Variants in HEPHL1 observed in about 807,000 individuals in gnomAD.
HEPHL1 encodes hephaestin like 1.
A neutral mutation model predicts 122.0 loss-of-function variants in HEPHL1; 123 were observed. The ratio of observed to expected loss-of-function variants is 1.01; its 90% CI spans 0.87 to 1.17. The LOEUF (loss-of-function observed/expected upper bound fraction) is 1.17, where lower values mean the gene tolerates loss of function less well. Ranked by LOEUF, HEPHL1 falls within the 50% of genes most tolerant of loss-of-function variation. HEPHL1 has a pLI of 0.00. For missense variants in HEPHL1, 1,452 were observed against 1,430.5 expected, an observed-to-expected ratio of 1.01 and a Z score of -0.24; for synonymous variants, 527 against 508.9, an observed-to-expected ratio of 1.04 and a Z score of -0.48.
At position 94,064,623 on chromosome 11, in the gene HEPHL1, C is replaced by T. The variant is rs1362949059; in HGVS notation, c.808+113C>T. The T allele has an allele frequency of 5.7e-6, 4 of 698,950 alleles. No homozygotes were observed. The Admixed American group carries it at 1.2e-4, about 20-fold the overall frequency. 43.3% of individuals were successfully genotyped at this position (698,950 alleles called of 1,614,324 possible). A position where few individuals can be genotyped will look rare whatever the true frequency, so the allele number is the denominator to read the frequency against. On this transcript the variant is annotated intron_variant, in intron 4 of 19. Coordinates refer to ENST00000315765, the MANE Select transcript of HEPHL1 (RefSeq NM_001098672.2). ...TCTGAGTTTGGCATGATTTATAACT[C>T]AGGGATGACCATGGTTAGAAAGTGA...
At chr11:94,073,282 C>T (rs1946092800) in intron 7 of HEPHL1, 26 bp from the exon 8 acceptor site, 2 of 1,608,682 alleles carry the variant, frequency 1.2e-6, no homozygotes, top group East Asian at 2.2e-5. Flanking sequence ...ATTCTCTTCT[C>T]TCTCTTCTTC....
intron 17 of HEPHL1, among the ~76,000 whole-genome samples, chr11:94,110,139 A>G (rs1946437045): frequency 6.6e-6 from 1 of 152,092 alleles, no homozygotes; most frequent in African/African-American, 2.4e-5. Context: ...TTCCTTTTTA[A>G]TATTTGTAAG....
chr11:94,073,137 G>A lies in HEPHL1; in HGVS notation c.1345G>A (p.Ala449Thr), dbSNP rs1946091076. ...TTTTACTAAAAGAAAGAGACTCTCT[G>A]CTGAAGAAGCCCATCTTGGAATTCT... ...ATFTKRKRLS[A>T]EEAHLGILGP... The change falls in exon 7 of 20, where the codon GCT (alanine) becomes ACT (threonine). Residue 449 changes from alanine (A) to threonine (T), a missense_variant. Ala to Thr is a moderately conservative substitution (Grantham distance 58, BLOSUM62 0). Transcript: ENST00000315765. The A allele has an allele frequency of 6.2e-7, 1 of 1,613,032 alleles. No individual in the cohort carries two copies. Among genetic ancestry groups the A allele is most frequent in the African/African-American group, 1.3e-5 (1 of 74,864 alleles).
At chr11:94,096,565 A>G (rs563151451) in intron 13 of HEPHL1, among the ~76,000 whole-genome samples, 23 of 152,174 alleles carry the variant, frequency 1.5e-4, no homozygotes, top group Non-Finnish European at 2.5e-4. Flanking sequence ...CTCTTTTTCT[A>G]TTGATTGGAA....
chr11:94,025,842 C>G (rs192469790), intron 1 of HEPHL1, among the ~76,000 whole-genome samples: 122 of 152,286 alleles, frequency 8.0e-4, no homozygotes, highest in African/African-American at 2.9e-3. Flanking sequence ...TGGTAACTTT[C>G]AAATCTCAAC....
At chr11:94,094,293 C>T (rs1946291558) in intron 13 of HEPHL1, among the ~76,000 whole-genome samples, 1 of 151,920 alleles carries the variant, frequency 6.6e-6, no homozygotes, top group African/African-American at 2.4e-5. Context: ...ATGATGGTTT[C>T]CAGCTTCATC....
chr11:94,036,993 C>T lies in HEPHL1; in HGVS notation c.171-8680C>T, dbSNP rs575531214. ...TCACTAGGGAGTGCCAGACAGTGGGCGCAGGCCAGTGGGTGCGCGCACCGT... is the reference window on the plus strand; with the variant it reads ...TCACTAGGGAGTGCCAGACAGTGGGTGCAGGCCAGTGGGTGCGCGCACCGT... On this transcript the variant is annotated intron_variant, in intron 1 of 19. Coordinates refer to ENST00000315765, the MANE Select transcript of HEPHL1 (RefSeq NM_001098672.2). 4.3e-4 allele frequency among the ~76,000 whole-genome samples: 66 copies of T among 152,286 alleles called. 1 individual carries two copies. In the South Asian group the frequency reaches 0.013, roughly 30 times the overall value.
Position 94,110,893 on chromosome 11 carries a change from G to GTT in HEPHL1, c.3046-6_3046-5dup, listed in dbSNP as rs773839808. 2 of 1,605,338 alleles carry GTT rather than the reference G, an allele frequency of 1.2e-6. No homozygotes were observed. Among genetic ancestry groups the GTT allele is most frequent in the East Asian group, 2.2e-5 (1 of 44,704 alleles). On this transcript the variant is annotated splice_polypyrimidine_tract_variant and intron_variant, in intron 17 of 19. Transcript: ENST00000315765. ...GCTACTAGCTGTTGTTTTTTAAAAC[G>GTT]TTTTTGCAGATAGATAAATCTTACC...
intron 10 of HEPHL1, among the ~76,000 whole-genome samples, chr11:94,085,111 C>T (rs897808135): frequency 6.6e-6 from 1 of 152,116 alleles, no homozygotes; most frequent in African/African-American, 2.4e-5. Context: ...CTCCAAGAAA[C>T]ATCAAGCATG....
chr11:94,096,464 T>C (rs1946314884), intron 13 of HEPHL1, among the ~76,000 whole-genome samples: 1 of 152,214 alleles, frequency 6.6e-6, no homozygotes, highest in African/African-American at 2.4e-5. Context: ...TCATTAGGGA[T>C]ATTGGTCTAA....
At chr11:94,044,085 T>C (rs992762347) in intron 1 of HEPHL1, among the ~76,000 whole-genome samples, 1 of 151,538 alleles carries the variant, frequency 6.6e-6, no homozygotes, top group Non-Finnish European at 1.5e-5. Flanking sequence ...GAAGCCAGTA[T>C]TTATGGAGCT....
chr11:94,067,724 C>T lies in HEPHL1; in HGVS notation c.1037C>T (p.Thr346Ile), dbSNP rs747609253. ...IAENPGKWMITCQVSDHLQAG... is the reference protein window; with the variant it reads ...IAENPGKWMIICQVSDHLQAG... ...GAGAATCCTGGGAAGTGGATGATAA[C>T]CTGCCAGGTCAGCGACCACCTACAA... is the stretch of plus-strand genomic sequence containing the variant. The change falls in exon 5 of 20, where the codon ACC (threonine) becomes ATC (isoleucine). Residue 346 changes from threonine (T) to isoleucine (I), a missense_variant. Coordinates refer to ENST00000315765, the MANE Select transcript of HEPHL1 (RefSeq NM_001098672.2). 4.3e-6 allele frequency: 7 copies of T among 1,613,526 alleles called. No individual in the cohort carries two copies. The highest frequency in any genetic ancestry group is 1.3e-5 in the African/African-American group (1 of 74,976).
intron 18 of HEPHL1, 94 bp downstream of exon 18, chr11:94,111,159 C>T (rs1946445790): frequency 1.0e-6 from 1 of 976,760 alleles, no homozygotes; most frequent in Non-Finnish European, 1.5e-6. Flanking sequence ...ATATAGCCCT[C>T]AACAAGCTCA....
intron 1 of HEPHL1, among the ~76,000 whole-genome samples, chr11:94,034,402 T>C (rs1417222922): frequency 6.6e-6 from 1 of 152,200 alleles, no homozygotes; most frequent in Non-Finnish European, 1.5e-5. Flanking sequence ...TAGGAGCTGC[T>C]TTGAAGTAGG....
At chr11:94,072,991 A>G (rs2134433626) in intron 6 of HEPHL1, 34 bp from the exon 7 acceptor site, 1 of 1,595,722 alleles carries the variant, frequency 6.3e-7, no homozygotes, top group Non-Finnish European at 8.6e-7. Context: ...ATATGTTGAG[A>G]AGTGTCCTCA....
intron 1 of HEPHL1, among the ~76,000 whole-genome samples, chr11:94,039,462 T>A (rs577160951): frequency 6.7e-6 from 1 of 149,672 alleles, no homozygotes; most frequent in Non-Finnish European, 1.5e-5. Flanking sequence ...ATTGACCACA[T>A]AGTTGGAAGT....
intron 8 of HEPHL1, 104 bp downstream of exon 8, chr11:94,073,543 G>A: frequency 9.2e-7 from 1 of 1,083,090 alleles, no homozygotes; most frequent in East Asian, 2.6e-5. Context: ...TACCTGCCCT[G>A]AGAGCTTGGG....
chr11:94,108,011 T>G (rs1438066599), intron 17 of HEPHL1, among the ~76,000 whole-genome samples: 1 of 152,218 alleles, frequency 6.6e-6, no homozygotes, highest in African/African-American at 2.4e-5. Context: ...CAAGGAAATA[T>G]ACGAGAACTC....
intron 1 of HEPHL1, among the ~76,000 whole-genome samples, chr11:94,025,290 G>C (rs1476151316): frequency 3.3e-5 from 5 of 152,064 alleles, no homozygotes; most frequent in African/African-American, 1.2e-4. Context: ...CTCCTCCTTG[G>C]AGTAAATGGG....
Sources: allele counts gnomAD v4.1 joint callset (sites outside exome capture counted in the v4.1 genomes callset), GRCh38; gene constraint gnomAD v4.1.1; transcripts MANE v1.5; gene names NCBI Gene and HGNC (gene_info 2026-07-23, HGNC 2026-07-21).